Variants in PRAMEF1 observed in about 807,000 individuals in gnomAD.
PRAMEF1 encodes PRAME family member 1.
A neutral mutation model predicts 38.2 loss-of-function variants in PRAMEF1; 21 were observed. That is an observed-to-expected ratio of 0.55 (90% CI 0.39 to 0.79). The LOEUF (loss-of-function observed/expected upper bound fraction) is 0.79, where lower values mean the gene tolerates loss of function less well. PRAMEF1 is among the 30% of genes least tolerant of loss of function. The pLI is 0.00. For missense variants in PRAMEF1, 497 were observed against 565.8 expected (o/e 0.88, Z 1.23); for synonymous variants, 200 against 229.0 (o/e 0.87, Z 1.14).
At position 12,794,111 on chromosome 1, in the gene PRAMEF1, G is replaced by T; in HGVS notation, c.484G>T (p.Glu162Ter). 1.9e-6 allele frequency: 3 copies of T among 1,609,972 alleles called. No homozygotes were observed. The highest frequency in any genetic ancestry group is 2.2e-5 in the South Asian group (2 of 90,710). ...DICLKEIPQD[E>*]CLRYLFQWVY... ...CTGCCTCAAGGAAATACCCCAGGAT[G>T]AATGCCTGAGATACCTCTTCCAGTG... The change falls in exon 3 of 4, where the codon GAA becomes TAA. Residue 162 changes from glutamate (E) to a stop codon, truncating the protein, a stop_gained. Coordinates refer to ENST00000332296, the MANE Select transcript of PRAMEF1 (RefSeq NM_023013.4). LOFTEE classifies it high-confidence loss of function.
intron 3 of PRAMEF1, 78 bp downstream of exon 3, chr1:12,794,571 A>C: frequency 3.2e-6 from 5 of 1,550,356 alleles, no homozygotes; most frequent in Non-Finnish European, 3.5e-6. Flanking sequence ...GAATGCATGT[A>C]CTGTGTGCCA....
At position 12,794,488 on chromosome 1, in the gene PRAMEF1, G is replaced by C. The variant is rs746448108; in HGVS notation, c.861G>C (p.Leu287=). 3.7e-6 allele frequency: 6 copies of C among 1,610,070 alleles called. No homozygotes were observed. The East Asian group carries it at 1.4e-4, about 36-fold the overall frequency. The part of the protein sequence containing the change: ...ITFFSGHLEQ[L]IRCLQNPLEN... Reference sequence around the variant, plus strand: ...TCTTCAGTGGGCACCTGGAACAGCTGATCAGGTGAGAAAGGATCATGCACT... The same window carrying C: ...TCTTCAGTGGGCACCTGGAACAGCTCATCAGGTGAGAAAGGATCATGCACT... The change falls in exon 3 of 4, where the codon CTG becomes CTC. Residue 287 remains leucine, a synonymous_variant. Coordinates refer to ENST00000332296, the MANE Select transcript of PRAMEF1 (RefSeq NM_023013.4).
intron 2 of PRAMEF1, 73 bp from the exon 3 acceptor site, chr1:12,793,842 G>A: frequency 7.1e-7 from 1 of 1,414,750 alleles, no homozygotes; most frequent in Non-Finnish European, 9.8e-7. Context: ...GCTGATTTAT[G>A]GGATGACAAT....
In PRAMEF1 at chr1:12,796,539, G is replaced by A. The variant is rs566962952; in HGVS notation, c.*543G>A. 163 of 154,976 alleles carry A rather than the reference G, an allele frequency of 1.1e-3. 5 individuals carry two copies. Among genetic ancestry groups the A allele is most frequent in the African/African-American group, 3.6e-3 (151 of 41,394 alleles). The allele number at this position is 154,976 out of a possible 1,614,324, so 9.6% of individuals were successfully genotyped here. ...CAGAAATCTCTAGTTATCGAGTTAC[G>A]GATGGAAAAATAACGAAATACTAAT... is the stretch of plus-strand genomic sequence containing the variant. On this transcript the variant is annotated 3_prime_UTR_variant, in exon 4 of 4. Transcript: ENST00000332296.
In PRAMEF1 at chr1:12,794,624, C is replaced by T. The variant is rs1452992958; in HGVS notation, c.866+131C>T. On this transcript the variant is annotated intron_variant, in intron 3 of 3. Coordinates refer to ENST00000332296, the MANE Select transcript of PRAMEF1 (RefSeq NM_023013.4). ...AGTGAAGGGGACATCAGAATGTCAA[C>T]ACATTGTCCCATTCAGTGTTCCATG... 12 of 1,527,514 alleles carry T rather than the reference C, an allele frequency of 7.9e-6. No individual in the cohort carries two copies. The African/African-American group carries it at 1.6e-4, about 21-fold the overall frequency. The allele number at this position is 1,527,514 out of a possible 1,614,324, so 94.6% of individuals were successfully genotyped here.
intron 3 of PRAMEF1, among the ~76,000 whole-genome samples, 156 bp from the exon 4 acceptor site, chr1:12,795,282 G>T (rs1249361891): frequency 6.6e-6 from 1 of 151,646 alleles, no homozygotes; most frequent in African/African-American, 2.4e-5. Context: ...GCCCCTGAAC[G>T]ATCAGGGTCC....
chr1:12,793,562 A>C, intron 2 of PRAMEF1, 48 bp downstream of exon 2: 2 of 1,561,050 alleles, frequency 1.3e-6, no homozygotes, highest in African/African-American at 2.7e-5. Flanking sequence ...GTGTCCAGGG[A>C]AAGAACAGCA....
intron 1 of PRAMEF1, among the ~76,000 whole-genome samples, chr1:12,791,699 T>C (rs1449162288): frequency 6.6e-6 from 1 of 151,404 alleles, no homozygotes; most frequent in East Asian, 1.9e-4. Flanking sequence ...AGCAGGTTTT[T>C]TAAAAATATA....
intron 1 of PRAMEF1, among the ~76,000 whole-genome samples, chr1:12,792,515 A>C (rs966535673): frequency 2.0e-5 from 3 of 151,214 alleles, no homozygotes; most frequent in African/African-American, 7.3e-5. Context: ...CTCTGCCTCC[A>C]GAGTAGCTAG....
rs2744047 is a variant in PRAMEF1, at chr1:12,794,687, G to C, written c.866+194G>C. ...TATCACAGGATCGCTCCAATAAGGG[G>C]AGAGGCGTCACCTGGGGTAGAAGCT... is the stretch of plus-strand genomic sequence containing the variant. On this transcript the variant is annotated intron_variant, in intron 3 of 3. Coordinates refer to ENST00000332296, the MANE Select transcript of PRAMEF1 (RefSeq NM_023013.4). The C allele has an allele frequency of 5.1e-3, 7,345 of 1,436,084 alleles. 224 individuals are homozygous for C. Among genetic ancestry groups the C allele is most frequent in the South Asian group, 8.1e-3 (576 of 71,442 alleles). 89.0% of individuals were successfully genotyped at this position (1,436,084 alleles called of 1,614,324 possible).
Position 12,794,306 on chromosome 1 carries a change from T to A in PRAMEF1, c.679T>A (p.Tyr227Asn), listed in dbSNP as rs1328917606. ...ACGTCTGATAAGAAAGCTTCGTTGT[T>A]ACCTGAAGGAGATGAAGAATCTTCG... ...WPRLIRKLRC[Y>N]LKEMKNLRKL... Residue 227 changes from tyrosine to asparagine, a missense_variant, in exon 3 of 4, where the codon TAC (tyrosine) becomes AAC (asparagine). By Grantham distance (143) the Tyr-to-Asn change is moderately radical. This residue lies in a region of PRAMEF1 where 470 missense variants were observed against 501.9 expected (regional missense o/e 0.94). Transcript: ENST00000332296. 1 of 1,612,156 alleles carries A rather than the reference T, an allele frequency of 6.2e-7. No individual in the cohort carries two copies. Among genetic ancestry groups the A allele is most frequent in the Admixed American group, 1.7e-5 (1 of 59,842 alleles).
intron 3 of PRAMEF1, chr1:12,795,063 A>T (rs1300847910): frequency 9.2e-7 from 1 of 1,085,478 alleles, no homozygotes; most frequent in African/African-American, 1.6e-5. Context: ...AGATGCAGGC[A>T]TGTCAGGGAG....
At position 12,795,297 on chromosome 1, in the gene PRAMEF1, C is replaced by G. The variant is rs1474917270; in HGVS notation, c.867-141C>G. On this transcript the variant is annotated intron_variant, in intron 3 of 3. Transcript: ENST00000332296. ...GCCCCTGAACGATCAGGGTCCTCAT[C>G]ATGCAGCAACTTCCATGAGGACCAT... is the stretch of plus-strand genomic sequence containing the variant. 104 of 770,958 alleles carry G rather than the reference C, an allele frequency of 1.3e-4. 2 individuals carry two copies. Among genetic ancestry groups the G allele is most frequent in the South Asian group, 2.9e-4 (16 of 54,510 alleles). 47.8% of individuals were successfully genotyped at this position (770,958 alleles called of 1,614,324 possible).
rs375407386 is a variant in PRAMEF1, at chr1:12,793,443, G to C, written c.216G>C (p.Thr72=). 2.5e-6 allele frequency: 4 copies of C among 1,609,644 alleles called. No individual in the cohort carries two copies. The African/African-American group carries it at 4.0e-5, about 16-fold the overall frequency. ...TCLPLGSLMK[T]LHLETLKALL... ...TCCCTCTGGGATCACTGATGAAGACGCTTCATTTGGAGACCTTAAAAGCAT... is the reference window on the plus strand; with the variant it reads ...TCCCTCTGGGATCACTGATGAAGACCCTTCATTTGGAGACCTTAAAAGCAT... The change falls in exon 2 of 4, where the codon ACG becomes ACC. Residue 72 remains threonine (T), a synonymous_variant. Transcript: ENST00000332296.
chr1:12,792,764 T>A (rs1291200256), intron 1 of PRAMEF1, among the ~76,000 whole-genome samples: 1 of 151,144 alleles, frequency 6.6e-6, no homozygotes, highest in African/African-American at 2.4e-5. Flanking sequence ...TCAAGTGATC[T>A]GCCTCCTTGG....
At position 12,794,365 on chromosome 1, in the gene PRAMEF1, G is replaced by A. The variant is rs762971989; in HGVS notation, c.738G>A (p.Thr246=). Residue 246 remains threonine, a synonymous_variant, in exon 3 of 4, where the codon ACG becomes ACA. Transcript: ENST00000332296. ...KLVFSRCHHY[T]SDNELEGRLV... ...TTTTCTCCAGGTGCCATCATTACACGTCAGATAATGAACTCGAAGGACGGT... is the reference window on the plus strand; with the variant it reads ...TTTTCTCCAGGTGCCATCATTACACATCAGATAATGAACTCGAAGGACGGT... 28 of 1,611,984 alleles carry A rather than the reference G, an allele frequency of 1.7e-5. No homozygotes were observed. In the East Asian group the frequency reaches 3.8e-4, roughly 22 times the overall value.
chr1:12,796,124 A>C lies in PRAMEF1; in HGVS notation c.*128A>C, dbSNP rs2493877. The C allele has an allele frequency of 0.33, 424,730 of 1,293,138 alleles. 72,164 individuals are homozygous for C. Among genetic ancestry groups the C allele is most frequent in the East Asian group, 0.46 (16,835 of 36,868 alleles). 80.1% of individuals were successfully genotyped at this position (1,293,138 alleles called of 1,614,324 possible). ...TTATTTCATTTTTTAATAATTCCAA[A>C]ATTTTTATTAAAGACAATTTGAGAC... On this transcript the variant is annotated 3_prime_UTR_variant, in exon 4 of 4. Coordinates refer to ENST00000332296, the MANE Select transcript of PRAMEF1 (RefSeq NM_023013.4).
rs958415929 is a variant in PRAMEF1 at position 12,795,005 on chromosome 1, A to T, written c.867-433A>T. 2.3e-4 allele frequency: 295 copies of T among 1,285,460 alleles called. 4 individuals are homozygous for T. The highest frequency in any genetic ancestry group is 2.8e-4 in the Non-Finnish European group (272 of 972,732). The allele number at this position is 1,285,460 out of a possible 1,614,324, so 79.6% of individuals were successfully genotyped here. A position where few individuals can be genotyped will look rare whatever the true frequency, so the allele number is the denominator to read the frequency against. On this transcript the variant is annotated intron_variant, in intron 3 of 3. Coordinates refer to ENST00000332296, the MANE Select transcript of PRAMEF1 (RefSeq NM_023013.4). The stretch of plus-strand genomic sequence containing the variant: ...TGGGAAATGCGTGCTTCCGGGATGG[A>T]GGTGAGGGAGTAGGCGTGAGAGTGG...
chr1:12,794,959 C>T, intron 3 of PRAMEF1: 1 of 1,322,470 alleles, frequency 7.6e-7, no homozygotes, highest in Non-Finnish European at 1.0e-6. Flanking sequence ...TTGTTTTGAA[C>T]TCCAGGAAAG....
Sources: allele counts gnomAD v4.1 joint callset (sites outside exome capture counted in the v4.1 genomes callset), GRCh38; gene constraint gnomAD v4.1.1; regional missense constraint gnomAD v4.1.1; transcripts MANE v1.5; gene names NCBI Gene and HGNC (gene_info 2026-07-23, HGNC 2026-07-21).